Variants in SNAPC3 observed in about 807,000 individuals in gnomAD.
SNAPC3 encodes snRNA-activating protein complex subunit 3.
SNAPC3 carries 56 observed loss-of-function variants against 47.7 expected under a neutral mutation model. That is an observed-to-expected ratio of 1.18 (90% CI 0.95 to 1.47). The LOEUF is 1.47. Among genes scored for constraint, SNAPC3 ranks in the 40% most tolerant of loss-of-function variants. The pLI, the probability that SNAPC3 is intolerant of heterozygous loss-of-function variation, is 0.00. For missense variants in SNAPC3, 665 were observed against 511.3 expected (o/e 1.30, Z -2.90); for synonymous variants, 235 against 189.9 (o/e 1.24, Z -1.95).
intron 7 of SNAPC3, among the ~76,000 whole-genome samples, chr9:15,456,252 C>T (rs989723437): frequency 2.6e-5 from 4 of 152,230 alleles, no homozygotes; most frequent in South Asian, 2.1e-4. Flanking sequence ...TCAGGTGATC[C>T]GCCCATGTCG....
In SNAPC3 at chr9:15,423,328, T is replaced by C. The variant is rs1055806117; in HGVS notation, c.314+135T>C. On this transcript the variant is annotated intron_variant, in intron 1 of 8. Coordinates refer to ENST00000380821, the MANE Select transcript of SNAPC3 (RefSeq NM_001039697.2). The stretch of plus-strand genomic sequence containing the variant: ...GGCTAGGAGTATTACCCTTTAAAGC[T>C]TTCAACCCGCTGGAGCCTTCCTGGG... The C allele has an allele frequency of 1.4e-5, 13 of 900,496 alleles. No homozygotes were observed. In the African/African-American group the frequency reaches 2.3e-4, roughly 16 times the overall value. 55.8% of individuals were successfully genotyped at this position (900,496 alleles called of 1,614,324 possible).
At chr9:15,436,979 A>G (rs1365009882) in intron 3 of SNAPC3, among the ~76,000 whole-genome samples, 1 of 151,412 alleles carries the variant, frequency 6.6e-6, no homozygotes, top group Non-Finnish European at 1.5e-5. Context: ...GCATGCCACC[A>G]TGCCCGGCTA....
chr9:15,424,988 G>A (rs762158788), intron 2 of SNAPC3, among the ~76,000 whole-genome samples: 6 of 152,254 alleles, frequency 3.9e-5, no homozygotes, highest in Non-Finnish European at 5.9e-5. Flanking sequence ...TTCTCCCACT[G>A]ATTTATCCAT....
chr9:15,440,948 C>CAAAAAAAAA (rs1199527486), intron 3 of SNAPC3, among the ~76,000 whole-genome samples: 1 of 121,662 alleles, frequency 8.2e-6, no homozygotes, highest in African/African-American at 3.2e-5. Flanking sequence ...GACTCCGTCT[C>CAAAAAAAAA]AAAAAAAAAA....
intron 2 of SNAPC3, among the ~76,000 whole-genome samples, chr9:15,424,390 TG>T (rs1342307058): frequency 2.0e-5 from 3 of 152,188 alleles, no homozygotes; most frequent in African/African-American, 7.2e-5. Context: ...TACTTAGATC[TG>T]GGGGGCAACC....
At chr9:15,449,551 ATATATATATATATTTTTTTT>A (rs1563851073) in intron 5 of SNAPC3, among the ~76,000 whole-genome samples, 2 of 39,032 alleles carry the variant, frequency 5.1e-5, no homozygotes, top group African/African-American at 1.7e-4. Context: ...ATATATATAT[ATATATATATATATTTTTTTT>A]TTTTTTTTTT....
downstream of SNAPC3, chr9:15,465,691 A>G (rs2035576486): frequency 1.2e-6 from 1 of 845,016 alleles, no homozygotes; most frequent in Non-Finnish European, 1.8e-6. Flanking sequence ...ACTGAAACCA[A>G]CCAAACAAAA....
chr9:15,425,060 A>G (rs1476768821), intron 2 of SNAPC3, among the ~76,000 whole-genome samples: 1 of 152,140 alleles, frequency 6.6e-6, no homozygotes, highest in Non-Finnish European at 1.5e-5. Flanking sequence ...CATCTCCTAT[A>G]TGGAAAAATT....
At chr9:15,452,298 C>A (rs1464742920) in intron 6 of SNAPC3, among the ~76,000 whole-genome samples, 1 of 149,912 alleles carries the variant, frequency 6.7e-6, no homozygotes. Context: ...TCTAACCCAA[C>A]AGTTCAAACC....
chr9:15,423,997 C>G lies in SNAPC3; in HGVS notation c.392+11C>G, dbSNP rs867636960. ...CCTGGTGACTTTGGGGTATGGAGGA[C>G]TTGGTTTTTATGACCTATTTATTTA... On this transcript the variant is annotated intron_variant, in intron 2 of 8. Coordinates refer to ENST00000380821, the MANE Select transcript of SNAPC3 (RefSeq NM_001039697.2). 4.0e-6 allele frequency: 6 copies of G among 1,509,272 alleles called. No homozygotes were observed. The Middle Eastern group carries it at 8.7e-4, about 218-fold the overall frequency. The allele number at this position is 1,509,272 out of a possible 1,614,324, so 93.5% of individuals were successfully genotyped here. A position where few individuals can be genotyped will look rare whatever the true frequency, so the allele number is the denominator to read the frequency against.
intron 5 of SNAPC3, among the ~76,000 whole-genome samples, chr9:15,447,538 T>C (rs1231667120): frequency 6.6e-6 from 1 of 152,188 alleles, no homozygotes; most frequent in Non-Finnish European, 1.5e-5. Context: ...TTTTTTGTTT[T>C]TTTGAGACAG....
chr9:15,440,483 T>C (rs954920357), intron 3 of SNAPC3, among the ~76,000 whole-genome samples: 11 of 152,180 alleles, frequency 7.2e-5, no homozygotes, highest in African/African-American at 2.4e-4. Flanking sequence ...TTTTGTTTTT[T>C]TTCTTTCATG....
intron 3 of SNAPC3, among the ~76,000 whole-genome samples, chr9:15,439,346 CT>C (rs1405070777): frequency 1.3e-5 from 2 of 152,054 alleles, no homozygotes; most frequent in Admixed American, 1.3e-4. Context: ...TGGATGGCAT[CT>C]TTTGCCAATA....
chr9:15,460,042 A>G lies in SNAPC3; in HGVS notation c.*176A>G. 2.2e-6 allele frequency: 1 copy of G among 451,116 alleles called. No homozygotes were observed. The highest frequency in any genetic ancestry group is 3.8e-6 in the Non-Finnish European group (1 of 259,942). The allele number at this position is 451,116 out of a possible 1,614,324, so 27.9% of individuals were successfully genotyped here. The stretch of plus-strand genomic sequence containing the variant: ...ATAATGATAGTATTTAAATGTTTAT[A>G]ACATAGTTTAATTTTATATTTATTC... On this transcript the variant is annotated 3_prime_UTR_variant, in exon 9 of 9. Coordinates refer to ENST00000380821, the MANE Select transcript of SNAPC3 (RefSeq NM_001039697.2).
In SNAPC3 at chr9:15,453,276, G is replaced by GT. The variant is rs534467864; in HGVS notation, c.980+78dup. On this transcript the variant is annotated intron_variant, in intron 7 of 8. Transcript: ENST00000380821. ...ATTTCAGAGTACAAAACCAGAGATA[G>GT]TTTTTTTAAAAATAAGAGGAGTAAA... The GT allele has an allele frequency of 7.9e-4, 988 of 1,256,736 alleles. 5 individuals carry two copies. In the South Asian group the frequency reaches 9.1e-3, roughly 12 times the overall value. The allele number at this position is 1,256,736 out of a possible 1,614,324, so 77.8% of individuals were successfully genotyped here.
intron 2 of SNAPC3, among the ~76,000 whole-genome samples, chr9:15,427,494 G>A (rs751546668): frequency 1.3e-5 from 2 of 152,122 alleles, no homozygotes; most frequent in Admixed American, 6.5e-5. Flanking sequence ...GATTACTGGC[G>A]TGTGCCACCA....
In SNAPC3 at chr9:15,423,113, C is replaced by T. The variant is rs766296670; in HGVS notation, c.234C>T (p.Asp78=). The T allele has an allele frequency of 1.4e-5, 21 of 1,552,368 alleles. No homozygotes were observed. The highest frequency in any genetic ancestry group is 2.2e-5 in the Admixed American group (1 of 44,814). Residue 78 remains aspartate (D), a synonymous_variant, in exon 1 of 9, where the codon GAC becomes GAT. Transcript: ENST00000380821. The stretch of plus-strand genomic sequence containing the variant: ...CTCTGCCTGGGAGCCAGGCAGCTGA[C>T]TCCGACCGGGAGGATGCCGCGGTGG... The part of the protein sequence containing the change: ...ASALPGSQAA[D]SDREDAAVAR...
downstream of SNAPC3, chr9:15,465,698 A>G: frequency 1.3e-6 from 1 of 792,558 alleles, no homozygotes; most frequent in Non-Finnish European, 2.0e-6. Flanking sequence ...CCAACCAAAC[A>G]AAAGAAAAAC....
rs140869103 is a variant in SNAPC3 at position 15,453,064 on chromosome 9, C to T, written c.839C>T (p.Ser280Phe). 2.5e-6 allele frequency: 4 copies of T among 1,613,310 alleles called. No homozygotes were observed. The highest frequency in any genetic ancestry group is 3.4e-6 in the Non-Finnish European group (4 of 1,179,426). ...AGAACTATCATTGAGTGGTCAGAGT[C>T]CCATGATAGAGGCTATGGAAAGTTT... ...LSRTIIEWSE[S>F]HDRGYGKFQT... The change falls in exon 7 of 9, where the codon TCC becomes TTC. Residue 280 changes from serine (S) to phenylalanine (F), a missense_variant. Physicochemically the swap from Ser to Phe is radical, Grantham distance 155. Transcript: ENST00000380821.
Sources: gnomAD v4.1 joint callset for allele counts (sites outside exome capture counted in the v4.1 genomes callset) on GRCh38, gnomAD v4.1.1 for gene constraint, MANE v1.5 for transcripts, NCBI Gene and HGNC (gene_info 2026-07-23, HGNC 2026-07-21) for gene names.